ARMC2: variants seen among roughly 807,000 people sequenced by gnomAD.
The protein encoded by ARMC2 is armadillo repeat-containing protein 2.
A neutral mutation model predicts 90.3 loss-of-function variants in ARMC2; 67 were observed. The observed-to-expected ratio is 0.74, with a 90% CI of 0.61 to 0.91. The LOEUF is 0.91. Among genes scored for constraint, ARMC2 ranks in the 40% least tolerant of loss-of-function variants. The pLI is 0.00. For missense variants in ARMC2, 920 were observed against 1,030.9 expected (o/e 0.89, Z 1.47); for synonymous variants, 393 against 393.0 (o/e 1.00, Z 0.00).
the ARMC2 span, among the ~76,000 whole-genome samples, chr6:109,053,009 C>T: frequency 6.6e-5 from 10 of 152,000 alleles, no homozygotes; most frequent in East Asian, 5.8e-4. Flanking sequence ...TGGTCATATA[C>T]GTCACTATTC....
chr6:108,862,342 C>CAAAAAAAAAAAAAAAAAAAA, intron 3 of ARMC2, among the ~76,000 whole-genome samples: 1 of 36,612 alleles, frequency 2.7e-5, no homozygotes, highest in Non-Finnish European at 5.2e-5. Context: ...AGACTCATCT[C>CAAAAAAAAAAAAAAAAAAAA]AAAAAAAAAA....
At chr6:108,992,966 G>A in the ARMC2 span, 1 of 1,030,840 alleles carries the variant, frequency 9.7e-7, no homozygotes, top group Non-Finnish European at 1.5e-6. Context: ...TTTACCCAAA[G>A]GAGTAAAAAT....
the ARMC2 span, chr6:109,002,473 G>GT: frequency 1.5e-6 from 1 of 664,532 alleles, no homozygotes; most frequent in Non-Finnish European, 2.7e-6. Flanking sequence ...TTTCATGGCT[G>GT]TATATACATA....
At chr6:108,976,561 T>TGG (rs957990546), downstream of ARMC2, among the ~76,000 whole-genome samples, 1 of 152,210 alleles carries the variant, frequency 6.6e-6, no homozygotes. Flanking sequence ...GGTAGCTTGA[T>TGG]GGGGATAGCA....
chr6:108,876,505 G>A (rs72933315), intron 5 of ARMC2, among the ~76,000 whole-genome samples, 155 bp downstream of exon 5: 1,610 of 152,276 alleles, frequency 0.011, 13 homozygotes, highest in Admixed American at 0.03. Flanking sequence ...ACTTCTCATG[G>A]CCAAATGGAG....
the ARMC2 span, among the ~76,000 whole-genome samples, chr6:109,019,006 T>C: frequency 6.6e-6 from 1 of 152,212 alleles, no homozygotes; most frequent in Admixed American, 6.5e-5. Flanking sequence ...TCAAATTTTC[T>C]GAAAATATAA....
chr6:108,947,748 G>A (rs1364228346), intron 12 of ARMC2, among the ~76,000 whole-genome samples: 3 of 151,876 alleles, frequency 2.0e-5, no homozygotes, highest in African/African-American at 4.8e-5. Flanking sequence ...CTGGTTGGCC[G>A]TAGCTGTTGC....
chr6:108,899,776 G>T lies in ARMC2; in HGVS notation c.831G>T (p.Leu277Phe). ...GGAATACAAGGATTGTACCGATTTT[G>T]CGTGAATTAGAAAAGGGTAAAACAC... The part of the protein sequence containing the change: ...VFWNTRIVPI[L>F]RELEKEENIE... The change falls in exon 7 of 18, where the codon TTG (leucine) becomes TTT (phenylalanine). Residue 277 changes from leucine (L) to phenylalanine (F), a missense_variant. Coordinates refer to ENST00000392644, the MANE Select transcript of ARMC2 (RefSeq NM_032131.6). 6.2e-7 allele frequency: 1 copy of T among 1,612,496 alleles called. No individual in the cohort carries two copies. Among genetic ancestry groups the T allele is most frequent in the Non-Finnish European group, 8.5e-7 (1 of 1,179,332 alleles).
At chr6:108,910,284 C>T (rs1346270942) in intron 8 of ARMC2, among the ~76,000 whole-genome samples, 2 of 152,026 alleles carry the variant, frequency 1.3e-5, no homozygotes, top group Non-Finnish European at 2.9e-5. Flanking sequence ...GGCAACATCT[C>T]TACAAAAAAA....
At chr6:109,006,438 TC>T in the ARMC2 span, among the ~76,000 whole-genome samples, 1 of 143,282 alleles carries the variant, frequency 7.0e-6, no homozygotes, top group African/African-American at 2.6e-5. Flanking sequence ...CCTAATGCTA[TC>T]CCTCCCCCCA....
At chr6:108,993,994 A>G in the ARMC2 span, among the ~76,000 whole-genome samples, 2 of 152,018 alleles carry the variant, frequency 1.3e-5, no homozygotes, top group Non-Finnish European at 2.9e-5. Context: ...TAAAAAATTA[A>G]GCAGGCATGG....
chr6:109,033,785 C>G, the ARMC2 span, among the ~76,000 whole-genome samples: 1 of 152,124 alleles, frequency 6.6e-6, no homozygotes, highest in African/African-American at 2.4e-5. Context: ...GCCATCTGGA[C>G]AGAAGAAATA....
the ARMC2 span, chr6:109,001,612 G>A: frequency 2.4e-6 from 2 of 828,318 alleles, no homozygotes; most frequent in Non-Finnish European, 3.8e-6. Flanking sequence ...AGAAAGAGGG[G>A]TTACAAATTT....
intron 1 of ARMC2, among the ~76,000 whole-genome samples, chr6:108,849,112 T>C (rs978752067): frequency 1.1e-4 from 17 of 152,178 alleles, no homozygotes; most frequent in African/African-American, 3.4e-4. Flanking sequence ...AGGGCCTCAA[T>C]AAATAAAAAC....
chr6:109,049,707 AAT>A, the ARMC2 span, among the ~76,000 whole-genome samples: 1 of 150,026 alleles, frequency 6.7e-6, no homozygotes, highest in Admixed American at 6.7e-5. Context: ...TATTTATATT[AAT>A]ATATTATATA....
chr6:108,998,925 C>T, the ARMC2 span: 2 of 599,360 alleles, frequency 3.3e-6, no homozygotes, highest in African/African-American at 1.9e-5. Context: ...TATGAATATG[C>T]ATTCACAAAT....
intron 5 of ARMC2, among the ~76,000 whole-genome samples, chr6:108,879,607 C>A (rs1176278940): frequency 6.8e-6 from 1 of 147,570 alleles, no homozygotes; most frequent in Non-Finnish European, 1.5e-5. Context: ...TCCATCCATC[C>A]ATCCATCCAT....
At chr6:108,933,344 G>A (rs2128490560) in intron 11 of ARMC2, among the ~76,000 whole-genome samples, 1 of 152,148 alleles carries the variant, frequency 6.6e-6, no homozygotes, top group Non-Finnish European at 1.5e-5. Flanking sequence ...GAATGGAATG[G>A]CCTTTCTGAT....
rs777391374 is a variant in ARMC2, at chr6:108,964,449, G to T, written c.2285+137G>T. On this transcript the variant is annotated intron_variant, in intron 16 of 17. Transcript: ENST00000392644. ...GAAGCCCCTAAGCTGAGGCTAAAGA[G>T]GGGGTTTAGATTCCACTGGATACTT... is the stretch of plus-strand genomic sequence containing the variant. 16 of 1,052,406 alleles carry T rather than the reference G, an allele frequency of 1.5e-5. 1 individual carries two copies. In the Middle Eastern group the frequency reaches 1.1e-3, roughly 70 times the overall value. 65.2% of individuals were successfully genotyped at this position (1,052,406 alleles called of 1,614,324 possible).
Sources: allele counts gnomAD v4.1 joint callset (sites outside exome capture counted in the v4.1 genomes callset), GRCh38; gene constraint gnomAD v4.1.1; transcripts MANE v1.5; gene names NCBI Gene and HGNC (gene_info 2026-07-23, HGNC 2026-07-21).